The following PTPRD variants were observed in gnomAD, a reference collection of about 807,000 sequenced individuals.
PTPRD encodes the protein protein tyrosine phosphatase receptor type D.
Under a neutral mutation model 214.5 loss-of-function variants are expected in PTPRD, and 34 were observed. The observed-to-expected ratio is 0.16, with a 90% CI of 0.12 to 0.21. The LOEUF is 0.21. Among genes scored for constraint, PTPRD ranks in the 10% least tolerant of loss-of-function variants. The pLI, the probability that PTPRD is intolerant of heterozygous loss-of-function variation, is 1.00. For missense variants in PTPRD, 2,545 were observed against 2,398.7 expected (o/e 1.06, Z -1.27); for synonymous variants, 1,128 against 845.7 (o/e 1.33, Z -5.79).
At chr9:8,883,176 CACA>C (rs1270635705) in intron 11 of PTPRD, among the ~76,000 whole-genome samples, 1 of 152,082 alleles carries the variant, frequency 6.6e-6, no homozygotes, top group Admixed American at 6.6e-5. Flanking sequence ...ATTCTAATTC[CACA>C]ACAATCTTGC....
intron 3 of PTPRD, among the ~76,000 whole-genome samples, chr9:10,295,860 T>G (rs1168049123): frequency 6.6e-6 from 1 of 152,024 alleles, no homozygotes; most frequent in Non-Finnish European, 1.5e-5. Context: ...GAATTGTGTG[T>G]GGGGCTTTCT....
At chr9:10,097,865 G>C (rs1183430965) in intron 3 of PTPRD, among the ~76,000 whole-genome samples, 2 of 151,498 alleles carry the variant, frequency 1.3e-5, no homozygotes, top group African/African-American at 2.4e-5. Flanking sequence ...GTATGATATT[G>C]GCTGTAGGAA....
At chr9:8,641,241 A>T (rs1376053419) in intron 12 of PTPRD, among the ~76,000 whole-genome samples, 10 of 148,464 alleles carry the variant, frequency 6.7e-5, no homozygotes. Flanking sequence ...ACAGACTAAG[A>T]TTTGAATCGT....
At chr9:8,414,928 G>GGA (rs374317951) in intron 35 of PTPRD, among the ~76,000 whole-genome samples, 725 of 70,524 alleles carry the variant, frequency 0.01, 16 homozygotes, top group African/African-American at 0.047. Context: ...AGAGAGGGAG[G>GGA]GGGAGAGAGA....
chr9:8,555,944 G>A (rs1593616918), intron 14 of PTPRD, among the ~76,000 whole-genome samples: 1 of 152,196 alleles, frequency 6.6e-6, no homozygotes, highest in South Asian at 2.1e-4. Flanking sequence ...CAGAGCAGAT[G>A]CAGATCTGTG....
chr9:8,595,551 T>C (rs2094434546), intron 14 of PTPRD, among the ~76,000 whole-genome samples: 1 of 152,214 alleles, frequency 6.6e-6, no homozygotes, highest in Non-Finnish European at 1.5e-5. Context: ...TTCATATATA[T>C]GTAATATAAC....
chr9:9,810,526 C>T (rs889031796), intron 5 of PTPRD, among the ~76,000 whole-genome samples: 8 of 150,262 alleles, frequency 5.3e-5, no homozygotes, highest in African/African-American at 2.0e-4. Context: ...AGAAATAAAA[C>T]AACAAAGACT....
At chr9:9,028,833 G>A (rs540726836) in intron 10 of PTPRD, among the ~76,000 whole-genome samples, 1 of 151,890 alleles carries the variant, frequency 6.6e-6, no homozygotes, top group Non-Finnish European at 1.5e-5. Flanking sequence ...GCCCAGGCGA[G>A]TTAGAATTTA....
At chr9:9,059,595 A>G (rs1033492728) in intron 10 of PTPRD, among the ~76,000 whole-genome samples, 28 of 152,164 alleles carry the variant, frequency 1.8e-4, no homozygotes, top group African/African-American at 6.5e-4. Context: ...CTGGAAGAAA[A>G]TGTATGTCCT....
chr9:10,036,944 CAT>C (rs1380146011), intron 3 of PTPRD, among the ~76,000 whole-genome samples: 2 of 151,516 alleles, frequency 1.3e-5, no homozygotes, highest in African/African-American at 4.9e-5. Context: ...AGTGCAGTGG[CAT>C]GATCATGGTT....
chr9:8,521,550 G>C lies in PTPRD; in HGVS notation c.692-4C>G, dbSNP rs540707094. On this transcript the variant is annotated splice_polypyrimidine_tract_variant and splice_region_variant and intron_variant, in intron 19 of 45. Transcript: ENST00000381196. ...AATCTTGGTGGGACACGGCGAACTG[G>C]AACAAAACACAAGGGAAATGATAAC... 8 of 1,611,896 alleles carry C rather than the reference G, an allele frequency of 5.0e-6. No individual in the cohort carries two copies. The highest frequency in any genetic ancestry group is 2.2e-5 in the East Asian group (1 of 44,832).
intron 3 of PTPRD, among the ~76,000 whole-genome samples, chr9:10,281,388 T>C (rs921324982): frequency 1.4e-5 from 2 of 146,858 alleles, no homozygotes; most frequent in Admixed American, 1.3e-4. Context: ...AGTTAATGGA[T>C]GAGATGAGGT....
At chr9:9,819,629 C>T (rs984312204) in intron 5 of PTPRD, among the ~76,000 whole-genome samples, 2 of 151,930 alleles carry the variant, frequency 1.3e-5, no homozygotes, top group African/African-American at 4.8e-5. Context: ...GAGCATAGTC[C>T]CCAACGGTTA....
intron 2 of PTPRD, among the ~76,000 whole-genome samples, chr9:10,584,639 T>A (rs369196366): frequency 6.6e-6 from 1 of 152,134 alleles, no homozygotes; most frequent in East Asian, 1.9e-4. Context: ...TATGATATCT[T>A]CCTGTTTAAA....
intron 3 of PTPRD, among the ~76,000 whole-genome samples, chr9:10,225,360 A>T (rs916003576): frequency 6.6e-6 from 1 of 152,056 alleles, no homozygotes; most frequent in Non-Finnish European, 1.5e-5. Flanking sequence ...CCTAAGTTTA[A>T]TGTATGTAGC....
At chr9:9,499,060 G>T (rs1465051485) in intron 8 of PTPRD, among the ~76,000 whole-genome samples, 1 of 151,948 alleles carries the variant, frequency 6.6e-6, no homozygotes, top group Non-Finnish European at 1.5e-5. Flanking sequence ...CATTATTTAA[G>T]AATTTGGAAA....
At chr9:8,905,859 A>G (rs1156471760) in intron 11 of PTPRD, among the ~76,000 whole-genome samples, 4 of 152,194 alleles carry the variant, frequency 2.6e-5, no homozygotes, top group African/African-American at 9.6e-5. Flanking sequence ...GTTTATTCAC[A>G]ATGATCCTAA....
chr9:10,481,537 C>G (rs1236483540), intron 2 of PTPRD, among the ~76,000 whole-genome samples: 2 of 152,020 alleles, frequency 1.3e-5, no homozygotes, highest in Non-Finnish European at 2.9e-5. Context: ...CAAGGATTTG[C>G]CTGATTTGTG....
intron 24 of PTPRD, among the ~76,000 whole-genome samples, 171 bp downstream of exon 24, chr9:8,500,583 A>AAAAAAAAAAAAAAAAAAAAG (rs1563868169): frequency 2.1e-5 from 3 of 146,318 alleles, no homozygotes; most frequent in Non-Finnish European, 3.0e-5. Context: ...AAAAAAAAAA[A>AAAAAAAAAAAAAAAAAAAAG]AAAAAAAGGC....
Sources: gnomAD v4.1 joint callset for allele counts (sites outside exome capture counted in the v4.1 genomes callset) on GRCh38, gnomAD v4.1.1 for gene constraint, MANE v1.5 for transcripts, NCBI Gene and HGNC (gene_info 2026-07-23, HGNC 2026-07-21) for gene names.